PSEN2: variants seen among roughly 807,000 people sequenced by gnomAD.
PSEN2 encodes presenilin 2, also known as presenilin-2.
A neutral mutation model predicts 49.1 loss-of-function variants in PSEN2; 32 were observed. That is an observed-to-expected ratio of 0.65 (90% CI 0.49 to 0.88). The LOEUF is 0.88. PSEN2 is among the 40% of genes least tolerant of loss of function. PSEN2 has a pLI of 0.00. For synonymous variants in PSEN2, 255 were observed against 244.0 expected (o/e 1.05, Z -0.42); for missense variants, 522 against 586.9 (o/e 0.89, Z 1.14).
chr1:226,889,596 A>G (rs1661603087), intron 8 of PSEN2, among the ~76,000 whole-genome samples: 1 of 152,216 alleles, frequency 6.6e-6, no homozygotes, highest in African/African-American at 2.4e-5. Flanking sequence ...TATTACTGCT[A>G]TGCTGATTGA....
Position 226,891,607 on chromosome 1 carries a change from T to C in PSEN2, c.971-136T>C, listed in dbSNP as rs1277354125. The C allele has an allele frequency of 8.3e-6, 7 of 843,758 alleles. No homozygotes were observed. In the Admixed American group the frequency reaches 1.4e-4, roughly 17 times the overall value. 52.3% of individuals were successfully genotyped at this position (843,758 alleles called of 1,614,324 possible). A position where few individuals can be genotyped will look rare whatever the true frequency, so the allele number is the denominator to read the frequency against. ...GTGGGTGGAGTGGGGGAAGCCCTGGTGTCAGGTGCTGGTGCTCAGGGGGAC... is the reference window on the plus strand; with the variant it reads ...GTGGGTGGAGTGGGGGAAGCCCTGGCGTCAGGTGCTGGTGCTCAGGGGGAC... On this transcript the variant is annotated intron_variant, in intron 10 of 12. Transcript: ENST00000366783.
At chr1:226,900,810 G>A (rs748437215), downstream of PSEN2, among the ~76,000 whole-genome samples, 1 of 152,164 alleles carries the variant, frequency 6.6e-6, no homozygotes, top group African/African-American at 2.4e-5. Context: ...GAAGGACCTC[G>A]AGACAGTGGT....
chr1:226,889,257 A>G (rs7543640), intron 8 of PSEN2, among the ~76,000 whole-genome samples: 3 of 150,690 alleles, frequency 2.0e-5, no homozygotes, highest in African/African-American at 7.3e-5. Flanking sequence ...GATAAAACGC[A>G]GTAGTCACTG....
chr1:226,902,549 A>G (rs1662350391), intron 12 of PSEN2, among the ~76,000 whole-genome samples: 1 of 152,140 alleles, frequency 6.6e-6, no homozygotes, highest in Non-Finnish European at 1.5e-5. Context: ...CCATCTTCCA[A>G]AGGGAAGTCA....
chr1:226,882,743 G>A (rs1004057108), intron 4 of PSEN2, among the ~76,000 whole-genome samples: 2 of 152,130 alleles, frequency 1.3e-5, no homozygotes, highest in Non-Finnish European at 2.9e-5. Flanking sequence ...CCTTGAGAAC[G>A]GAACCATCGT....
At chr1:226,893,487 C>T (rs959256299) in intron 11 of PSEN2, among the ~76,000 whole-genome samples, 1 of 152,166 alleles carries the variant, frequency 6.6e-6, no homozygotes, top group African/African-American at 2.4e-5. Context: ...CTAAAGAAAA[C>T]AAACGAGAGC....
chr1:226,895,330 G>A (rs537735641), intron 12 of PSEN2, 94 bp from the exon 13 acceptor site: 21 of 1,473,788 alleles, frequency 1.4e-5, no homozygotes, highest in Admixed American at 5.3e-5. Flanking sequence ...ACTGGTCCTC[G>A]AACAAGCTCC....
At chr1:226,877,061 G>T (rs139832281) in intron 3 of PSEN2, among the ~76,000 whole-genome samples, 1 of 152,184 alleles carries the variant, frequency 6.6e-6, no homozygotes, top group African/African-American at 2.4e-5. Flanking sequence ...CTCTCATGTG[G>T]CAATCAAGTA....
Position 226,891,739 on chromosome 1 carries a change from C to T in PSEN2, c.971-4C>T. The T allele has an allele frequency of 1.2e-6, 2 of 1,612,814 alleles. No individual in the cohort carries two copies. The highest frequency in any genetic ancestry group is 1.7e-6 in the Non-Finnish European group (2 of 1,178,878). On this transcript the variant is annotated splice_region_variant and splice_polypyrimidine_tract_variant and intron_variant, in intron 10 of 12. Coordinates refer to ENST00000366783, the MANE Select transcript of PSEN2 (RefSeq NM_000447.3). ...ACGGACATCTTCTCTTCCTGGACAC[C>T]CAGAAGAAGACTCCTATGACAGTTT...
At position 226,895,431 on chromosome 1, in the gene PSEN2, G is replaced by C; in HGVS notation, c.1199G>C (p.Cys400Ser). 1 of 1,614,074 alleles carries C rather than the reference G, an allele frequency of 6.2e-7. No individual in the cohort carries two copies. The highest frequency in any genetic ancestry group is 8.5e-7 in the Non-Finnish European group (1 of 1,180,010). ...ACFVAILIGLCLTLLLLAVFK... is the reference protein window; with the variant it reads ...ACFVAILIGLSLTLLLLAVFK... The stretch of plus-strand genomic sequence containing the variant: ...CCCCTCCATGTCCTGCAGGGCTTGT[G>C]TCTGACCCTCCTGCTGCTTGCTGTG... Residue 400 changes from cysteine to serine, a missense_variant, in exon 13 of 13, where the codon TGT becomes TCT. Physicochemically the swap from Cys to Ser is moderately radical, Grantham distance 112. Coordinates refer to ENST00000366783, the MANE Select transcript of PSEN2 (RefSeq NM_000447.3).
chr1:226,883,966 G>GGC, intron 5 of PSEN2, 47 bp downstream of exon 5: 4 of 330,268 alleles, frequency 1.2e-5, no homozygotes, highest in East Asian at 8.8e-5. Context: ...GGGCTGAGTT[G>GGC]CCAGGGGGTG....
In PSEN2 at chr1:226,888,219, A is replaced by G. The variant is rs149734051; in HGVS notation, c.566+61A>G. On this transcript the variant is annotated intron_variant, in intron 7 of 12. Transcript: ENST00000366783. ...CCCTCTCCATGTGGCACAAGTGGAC[A>G]TGGGCATGAGGACCTGGGCGGGGAA... 0.01 allele frequency: 14,547 copies of G among 1,435,890 alleles called. 136 individuals carry two copies. The highest frequency in any genetic ancestry group is 0.011 in the Non-Finnish European group (11,153 of 1,019,962). 88.9% of individuals were successfully genotyped at this position (1,435,890 alleles called of 1,614,324 possible).
At chr1:226,900,405 C>CT (rs1662279056), downstream of PSEN2, among the ~76,000 whole-genome samples, 1 of 152,102 alleles carries the variant, frequency 6.6e-6, no homozygotes. Flanking sequence ...ACAGCACAGT[C>CT]TATGTGGATT....
chr1:226,895,834 A>G lies in PSEN2; in HGVS notation c.*255A>G. Reference sequence around the variant, plus strand: ...AGCAGGTTTATCCAGATGAACTGAGAAGGTCAGATTAGGGCGGGGAGAAGA... The same window carrying G: ...AGCAGGTTTATCCAGATGAACTGAGGAGGTCAGATTAGGGCGGGGAGAAGA... On this transcript the variant is annotated 3_prime_UTR_variant, in exon 13 of 13. Coordinates refer to ENST00000366783, the MANE Select transcript of PSEN2 (RefSeq NM_000447.3). 5.4e-6 allele frequency: 3 copies of G among 557,638 alleles called. No individual in the cohort carries two copies. Among genetic ancestry groups the G allele is most frequent in the South Asian group, 4.1e-5 (2 of 48,902 alleles). 34.5% of individuals were successfully genotyped at this position (557,638 alleles called of 1,614,324 possible). A position where few individuals can be genotyped will look rare whatever the true frequency, so the allele number is the denominator to read the frequency against.
At position 226,875,542 on chromosome 1, in the gene PSEN2, G is replaced by A. The variant is rs2102652688; in HGVS notation, c.-29G>A. On this transcript the variant is annotated 5_prime_UTR_variant, in exon 3 of 13. In the 5' UTR this introduces an upstream ATG that the reference lacks. Transcript: ENST00000366783. ...GATTCAGACCTCTCTGCGGCCCCAA[G>A]TGTTCGTGGTAAGTGCAGTGACTCC... The A allele has an allele frequency of 6.6e-6, 1 of 152,314 alleles. No individual in the cohort carries two copies. The highest frequency in any genetic ancestry group is 2.1e-4 in the South Asian group (1 of 4,824). The allele number at this position is 152,314 out of a possible 1,614,324, so 9.4% of individuals were successfully genotyped here.
chr1:226,885,677 A>C lies in PSEN2; in HGVS notation c.496A>C (p.Lys166Gln), dbSNP rs1372631344. ...GGTGCTCTACAAGTACCGCTGCTAC[A>C]AGGTGAGGCCCTGGCCCTGCCCTCC... is the stretch of plus-strand genomic sequence containing the variant. ...LVVLYKYRCYKFIHGWLIMSS... is the reference protein window; with the variant it reads ...LVVLYKYRCYQFIHGWLIMSS... Residue 166 changes from lysine (K) to glutamine (Q), a missense_variant and splice_region_variant, in exon 6 of 13, where the codon AAG (lysine) becomes CAG (glutamine). By Grantham distance (53) the Lys-to-Gln change is moderately conservative. Coordinates refer to ENST00000366783, the MANE Select transcript of PSEN2 (RefSeq NM_000447.3). 2 of 1,606,992 alleles carry C rather than the reference A, an allele frequency of 1.2e-6. No homozygotes were observed. The highest frequency in any genetic ancestry group is 1.3e-5 in the African/African-American group (1 of 74,856).
chr1:226,885,618 T>C lies in PSEN2; in HGVS notation c.437T>C (p.Ile146Thr), dbSNP rs1215971988. Residue 146 changes from isoleucine (I) to threonine (T), a missense_variant, in exon 6 of 13, where the codon ATC becomes ACC. Physicochemically the swap from Ile to Thr is moderately conservative, Grantham distance 89. Transcript: ENST00000366783. ...LNSVLNTLIM[I>T]SVIVVMTIFL... ...TCCGTGCTGAACACCCTCATCATGATCAGCGTCATCGTGGTTATGACCATC... is the reference window on the plus strand; with the variant it reads ...TCCGTGCTGAACACCCTCATCATGACCAGCGTCATCGTGGTTATGACCATC... 7 of 1,613,382 alleles carry C rather than the reference T, an allele frequency of 4.3e-6. No homozygotes were observed. In the East Asian group the frequency reaches 1.1e-4, roughly 26 times the overall value.
chr1:226,884,330 C>G (rs1167490490), intron 5 of PSEN2, among the ~76,000 whole-genome samples: 1 of 152,222 alleles, frequency 6.6e-6, no homozygotes, highest in African/African-American at 2.4e-5. Context: ...CACTTCCTCT[C>G]TGAGTCTCTG....
At chr1:226,879,917 G>GTC (rs766224873) in intron 3 of PSEN2, among the ~76,000 whole-genome samples, 9 of 152,250 alleles carry the variant, frequency 5.9e-5, no homozygotes, top group African/African-American at 7.2e-5. Context: ...AGCAGAGGCA[G>GTC]TCTCTGCCTG....
Sources: allele counts gnomAD v4.1 joint callset (sites outside exome capture counted in the v4.1 genomes callset), GRCh38; gene constraint gnomAD v4.1.1; transcripts MANE v1.5; gene names NCBI Gene and HGNC (gene_info 2026-07-23, HGNC 2026-07-21).